The following CPQ variants were observed in gnomAD, a reference collection of about 807,000 sequenced individuals.
CPQ encodes Ser-Met dipeptidase.
Under a neutral mutation model 45.7 loss-of-function variants are expected in CPQ, and 37 were observed. That is an observed-to-expected ratio of 0.81 (90% CI 0.62 to 1.07). The LOEUF is 1.07. Among genes scored for constraint, CPQ ranks in the 50% least tolerant of loss-of-function variants. The pLI, the probability that CPQ is intolerant of heterozygous loss-of-function variation, is 0.00. For synonymous variants in CPQ, 186 were observed against 205.8 expected, an observed-to-expected ratio of 0.90 and a Z score of 0.82; for missense variants, 537 against 572.9, an observed-to-expected ratio of 0.94 and a Z score of 0.64.
At chr8:96,889,736 G>A (rs1385543962) in intron 4 of CPQ, among the ~76,000 whole-genome samples, 3 of 152,160 alleles carry the variant, frequency 2.0e-5, no homozygotes, top group East Asian at 3.9e-4. Flanking sequence ...GGGTCCAAAA[G>A]CTGAAGAACA....
intron 4 of CPQ, among the ~76,000 whole-genome samples, chr8:96,952,707 A>G (rs1813286481): frequency 1.3e-5 from 2 of 152,162 alleles, no homozygotes; most frequent in Non-Finnish European, 2.9e-5. Context: ...TGTATTTCAT[A>G]CTTAAGAAAG....
At chr8:96,667,041 C>T (rs772630048) in intron 1 of CPQ, among the ~76,000 whole-genome samples, 34 of 151,986 alleles carry the variant, frequency 2.2e-4, no homozygotes, top group African/African-American at 3.4e-4. Flanking sequence ...TTTTTTAATA[C>T]GGCTTTCTGA....
intron 3 of CPQ, among the ~76,000 whole-genome samples, chr8:96,854,557 A>AAAACAAAAAAAAAACAC (rs1554573253): frequency 2.6e-5 from 2 of 76,864 alleles, no homozygotes; most frequent in African/African-American, 5.0e-5. Context: ...AAAAAAAAAA[A>AAAACAAAAAAAAAACAC]AATGTGGTGG....
At position 96,929,255 on chromosome 8, in the gene CPQ, A is replaced by G. The variant is rs1347275270; in HGVS notation, c.850-36680A>G. 3.3e-5 allele frequency among the ~76,000 whole-genome samples: 5 copies of G among 152,210 alleles called. No homozygotes were observed. In the East Asian group the frequency reaches 7.7e-4, roughly 23 times the overall value. On this transcript the variant is annotated intron_variant, in intron 4 of 7. Transcript: ENST00000220763. ...AAAGGAATAGAATGTATAACATTCC[A>G]TTTTGTCAGCATGAGGAAGGTCTTA... is the stretch of plus-strand genomic sequence containing the variant.
intron 1 of CPQ, among the ~76,000 whole-genome samples, chr8:96,718,249 G>A (rs1054001286): frequency 2.0e-5 from 3 of 152,124 alleles, no homozygotes; most frequent in African/African-American, 7.2e-5. Context: ...GGAATTGGTG[G>A]GTTCTTGGTC....
In CPQ at chr8:96,927,187, G is replaced by C. The variant is rs546618987; in HGVS notation, c.850-38748G>C. Among the ~76,000 whole-genome samples the C allele has an allele frequency of 4.0e-4, 61 of 152,314 alleles. 1 individual carries two copies. The South Asian group carries it at 0.012, about 30-fold the overall frequency. On this transcript the variant is annotated intron_variant, in intron 4 of 7. Transcript: ENST00000220763. ...GGGCAATGCCCTGTGTTCCTTCTGA[G>C]GGTTCCTTCTGAGTGACTCTAAGTC...
At chr8:97,132,475 G>C (rs1811973630) in intron 7 of CPQ, among the ~76,000 whole-genome samples, 1 of 152,122 alleles carries the variant, frequency 6.6e-6, no homozygotes, top group Non-Finnish European at 1.5e-5. Flanking sequence ...CCAAAAGAAT[G>C]GGAGGTAGAC....
chr8:97,099,115 C>CTCTCTCTTTTTTTTTTT lies in CPQ; in HGVS notation c.1255+32906_1255+32907insCTCTCTTTTTTTTTTTT, dbSNP rs1554589610. Among the ~76,000 whole-genome samples the CTCTCTCTTTTTTTTTTT allele has an allele frequency of 1.1e-4, 7 of 66,342 alleles. No homozygotes were observed. The Admixed American group carries it at 1.6e-3, about 15-fold the overall frequency. 43.5% of individuals were successfully genotyped at this position (66,342 alleles called of 152,430 possible). ...GAAGTCCCAAAACTCCCTTCTCTCT[C>CTCTCTCTTTTTTTTTTT]TTTTTTTTTTTTTTTTTTTTTTTTT... On this transcript the variant is annotated intron_variant, in intron 7 of 7. Transcript: ENST00000220763.
At chr8:96,832,460 C>T (rs1459818325) in intron 2 of CPQ, among the ~76,000 whole-genome samples, 9 of 152,148 alleles carry the variant, frequency 5.9e-5, no homozygotes, top group Admixed American at 5.2e-4. Context: ...GCTACATGTA[C>T]GCCAGGCACT....
intron 1 of CPQ, among the ~76,000 whole-genome samples, chr8:96,738,795 A>G (rs1232075200): frequency 1.3e-5 from 2 of 152,152 alleles, no homozygotes; most frequent in Non-Finnish European, 2.9e-5. Context: ...TGAACTCACC[A>G]TTTTTTATGG....
chr8:96,672,575 C>T (rs749535906), intron 1 of CPQ, among the ~76,000 whole-genome samples: 1 of 151,930 alleles, frequency 6.6e-6, no homozygotes, highest in South Asian at 2.1e-4. Context: ...TGCAGGAGTT[C>T]GAGACCAGCC....
At chr8:97,102,560 A>G (rs1199681763) in intron 7 of CPQ, among the ~76,000 whole-genome samples, 1 of 152,202 alleles carries the variant, frequency 6.6e-6, no homozygotes. Context: ...GATTAGGAAC[A>G]TGGTCCAAAA....
At chr8:96,741,641 T>A (rs1455229188) in intron 1 of CPQ, among the ~76,000 whole-genome samples, 2 of 152,206 alleles carry the variant, frequency 1.3e-5, no homozygotes, top group Non-Finnish European at 2.9e-5. Flanking sequence ...TACACACTGC[T>A]TTGGATGCGT....
At chr8:97,036,434 G>A (rs761745572) in intron 6 of CPQ, among the ~76,000 whole-genome samples, 3 of 152,222 alleles carry the variant, frequency 2.0e-5, no homozygotes, top group Non-Finnish European at 4.4e-5. Flanking sequence ...ACCACATAGA[G>A]AAGCATGTTA....
chr8:97,015,691 A>G (rs1031103073), intron 5 of CPQ, among the ~76,000 whole-genome samples: 2 of 152,118 alleles, frequency 1.3e-5, no homozygotes, highest in Non-Finnish European at 1.5e-5. Context: ...GCATGTGTCA[A>G]GAGCCTTAAG....
chr8:97,106,002 G>A (rs187267411), intron 7 of CPQ, among the ~76,000 whole-genome samples: 8 of 152,224 alleles, frequency 5.3e-5, no homozygotes, highest in African/African-American at 1.9e-4. Context: ...GGGAGGTCCC[G>A]ATACTTTACA....
chr8:96,861,128 A>T (rs1242945060), intron 3 of CPQ, among the ~76,000 whole-genome samples: 1 of 152,182 alleles, frequency 6.6e-6, no homozygotes, highest in Non-Finnish European at 1.5e-5. Context: ...AGAAAAATGA[A>T]TAAGACTGTG....
intron 2 of CPQ, among the ~76,000 whole-genome samples, chr8:96,804,221 T>C (rs1270616576): frequency 6.6e-6 from 1 of 152,144 alleles, no homozygotes; most frequent in Non-Finnish European, 1.5e-5. Flanking sequence ...AAGTGGATGG[T>C]GCTAGAACTG....
intron 1 of CPQ, among the ~76,000 whole-genome samples, chr8:96,701,522 TC>T: frequency 6.6e-6 from 1 of 152,332 alleles, no homozygotes; most frequent in South Asian, 2.1e-4. Flanking sequence ...AAAGCATTTT[TC>T]TGCTTAATTT....
Sources: gnomAD v4.1 joint callset for allele counts (sites outside exome capture counted in the v4.1 genomes callset) on GRCh38, gnomAD v4.1.1 for gene constraint, MANE v1.5 for transcripts, NCBI Gene and HGNC (gene_info 2026-07-23, HGNC 2026-07-21) for gene names.